Variants in FXYD4 observed in about 807,000 individuals in gnomAD.
FXYD4 encodes the protein FXYD domain containing ion transport regulator 4, also known as FXYD domain-containing ion transport regulator 4.
Under a neutral mutation model 18.3 loss-of-function variants are expected in FXYD4, and 14 were observed. The ratio of observed to expected loss-of-function variants is 0.77; its 90% CI spans 0.51 to 1.20. FXYD4 has a LOEUF of 1.20. FXYD4 is among the 50% of genes most tolerant of loss of function. FXYD4 has a pLI of 0.00. For synonymous variants in FXYD4, 40 were observed against 40.5 expected (o/e 0.99, Z 0.04); for missense variants, 99 against 106.1 (o/e 0.93, Z 0.29).
At chr10:43,375,953 G>A (rs560733726) in intron 7 of FXYD4, 79 bp from the exon 8 acceptor site, 34 of 1,480,568 alleles carry the variant, frequency 2.3e-5, no homozygotes, top group African/African-American at 5.5e-5. Flanking sequence ...TCCTGGGGCC[G>A]GGCAGCAAGA....
chr10:43,375,804 G>A lies in FXYD4; in HGVS notation c.212+70G>A, dbSNP rs2131949138. 3.3e-6 allele frequency: 5 copies of A among 1,505,064 alleles called. No homozygotes were observed. In the South Asian group the frequency reaches 3.4e-5, roughly 10 times the overall value. The allele number at this position is 1,505,064 out of a possible 1,614,324, so 93.2% of individuals were successfully genotyped here. ...CGGGGGGACAGTCCTGACCTGGAGA[G>A]TGGACAGCATCCTGGCCACTCGCTG... On this transcript the variant is annotated intron_variant, in intron 7 of 8. Transcript: ENST00000476166.
rs764508187 is a variant in FXYD4, at chr10:43,376,038, AC to A, written c.221del (p.Pro74LeufsTer29). On this transcript the variant is annotated frameshift_variant, in exon 8 of 9. Transcript: ENST00000476166. LOFTEE classifies it high-confidence loss of function. ...GATGTGGTCCTTTCTCTAGTCCTGT[AC>A]CTGAGAAGGCCATCCCACTCATCAC... Reference protein sequence around the residue: ...KSSQKQHSPVPEKAIPLITPG... With the variant: ...KSSQKQHSPVXEKAIPLITPG... 1 of 1,614,002 alleles carries A rather than the reference AC, an allele frequency of 6.2e-7. No homozygotes were observed. Among genetic ancestry groups the A allele is most frequent in the East Asian group, 2.2e-5 (1 of 44,866 alleles).
chr10:43,372,650 G>A (rs944874317), intron 1 of FXYD4, 77 bp from the exon 2 acceptor site: 1 of 152,222 alleles, frequency 6.6e-6, no homozygotes, highest in Non-Finnish European at 1.5e-5. Context: ...TCTTAGGCTT[G>A]ACAAATAGTA....
chr10:43,374,834 T>TG (rs1385976593), intron 5 of FXYD4, among the ~76,000 whole-genome samples, 195 bp downstream of exon 5: 2 of 151,728 alleles, frequency 1.3e-5, no homozygotes, highest in Admixed American at 1.3e-4. Flanking sequence ...GGAGAAGGGC[T>TG]GGTGCCTGGG....
chr10:43,374,665 C>G (rs778369884), intron 5 of FXYD4, 26 bp downstream of exon 5: 1 of 1,592,874 alleles, frequency 6.3e-7, no homozygotes, highest in South Asian at 1.1e-5. Context: ...CCCACCCCCA[C>G]CCTACCCTTG....
Position 43,376,216 on chromosome 10 carries a change from G to A in FXYD4, c.*50G>A. On this transcript the variant is annotated 3_prime_UTR_variant, in exon 9 of 9. Transcript: ENST00000476166. Reference sequence around the variant, plus strand: ...GCCTGAAGCCTAACACTGGCCCCCAGCACCTCCTCCCCTGGGAGGCCTTAT... The same window carrying A: ...GCCTGAAGCCTAACACTGGCCCCCAACACCTCCTCCCCTGGGAGGCCTTAT... 6.2e-7 allele frequency: 1 copy of A among 1,604,024 alleles called. No homozygotes were observed. The highest frequency in any genetic ancestry group is 8.5e-7 in the Non-Finnish European group (1 of 1,172,542).
chr10:43,376,104 G>A lies in FXYD4; in HGVS notation c.250+35G>A, dbSNP rs764874672. The A allele has an allele frequency of 3.1e-6, 5 of 1,613,936 alleles. No homozygotes were observed. The African/African-American group carries it at 4.0e-5, about 13-fold the overall frequency. On this transcript the variant is annotated intron_variant, in intron 8 of 8. Coordinates refer to ENST00000476166, the MANE Select transcript of FXYD4 (RefSeq NM_173160.3). Reference sequence around the variant, plus strand: ...GCTTCTGTGGGCTGAGGGGGTGTCTGTGTAAGGACTGTGTCTGATGGCCTG... The same window carrying A: ...GCTTCTGTGGGCTGAGGGGGTGTCTATGTAAGGACTGTGTCTGATGGCCTG...
Position 43,372,761 on chromosome 10 carries a change from G to A in FXYD4, c.-244G>A, listed in dbSNP as rs1458087280. The A allele has an allele frequency of 6.6e-6, 1 of 152,236 alleles. No homozygotes were observed. The highest frequency in any genetic ancestry group is 1.5e-5 in the Non-Finnish European group (1 of 68,074). 9.4% of individuals were successfully genotyped at this position (152,236 alleles called of 1,614,324 possible). A position where few individuals can be genotyped will look rare whatever the true frequency, so the allele number is the denominator to read the frequency against. On this transcript the variant is annotated 5_prime_UTR_variant, in exon 2 of 9. Transcript: ENST00000476166. ...GAAGGAGCAGTGAGGAACCTGCAGA[G>A]TCACACAGTTGGTAAGTTGCTAAGA...
intron 4 of FXYD4, 29 bp downstream of exon 4, chr10:43,374,531 A>C (rs200123430): frequency 1.2e-6 from 2 of 1,612,692 alleles, no homozygotes; most frequent in South Asian, 2.2e-5. Flanking sequence ...CAGCCTGCCC[A>C]CTCTGCCCAC....
chr10:43,375,228 T>C (rs897396890), intron 5 of FXYD4, among the ~76,000 whole-genome samples: 2 of 151,960 alleles, frequency 1.3e-5, no homozygotes, highest in Non-Finnish European at 2.9e-5. Context: ...GGTTTCACCA[T>C]ATTGGTCATG....
chr10:43,373,857 C>T, intron 3 of FXYD4, 74 bp downstream of exon 3: 2 of 970,188 alleles, frequency 2.1e-6, no homozygotes, highest in East Asian at 2.4e-5. Context: ...CAGACAACAT[C>T]TCCTTTGGGA....
intron 2 of FXYD4, 84 bp from the exon 3 acceptor site, chr10:43,373,431 C>G: frequency 2.6e-6 from 1 of 381,992 alleles, no homozygotes; most frequent in Non-Finnish European, 4.7e-6. Context: ...TGGATTTTAA[C>G]AACGCCTTCT....
chr10:43,373,993 A>G (rs1043644936), intron 3 of FXYD4, among the ~76,000 whole-genome samples: 3 of 152,256 alleles, frequency 2.0e-5, no homozygotes, highest in African/African-American at 4.8e-5. Context: ...GAATTGAACC[A>G]TGGAAAACAT....
chr10:43,376,228 C>G lies in FXYD4; in HGVS notation c.*62C>G. 1.3e-6 allele frequency: 2 copies of G among 1,559,418 alleles called. No homozygotes were observed. Among genetic ancestry groups the G allele is most frequent in the South Asian group, 2.2e-5 (2 of 89,872 alleles). On this transcript the variant is annotated 3_prime_UTR_variant, in exon 9 of 9. Coordinates refer to ENST00000476166, the MANE Select transcript of FXYD4 (RefSeq NM_173160.3). ...ACACTGGCCCCCAGCACCTCCTCCC[C>G]TGGGAGGCCTTATCCTCAAGGAAGG... is the stretch of plus-strand genomic sequence containing the variant.
intron 2 of FXYD4, 30 bp downstream of exon 2, chr10:43,372,802 A>G (rs1204832692): frequency 6.6e-6 from 1 of 152,218 alleles, no homozygotes; most frequent in Non-Finnish European, 1.5e-5. Flanking sequence ...CCCAGCCCAG[A>G]CAGCTGGCCC....
intron 3 of FXYD4, among the ~76,000 whole-genome samples, chr10:43,374,207 A>G (rs1218271474): frequency 6.6e-6 from 1 of 152,194 alleles, no homozygotes; most frequent in Admixed American, 6.5e-5. Context: ...CATAAAAAAG[A>G]CAAGCATTCC....
In FXYD4 at chr10:43,373,550, G is replaced by C. The variant is rs1052371286; in HGVS notation, c.-197G>C. The C allele has an allele frequency of 3.4e-6, 2 of 596,936 alleles. No homozygotes were observed. The highest frequency in any genetic ancestry group is 6.0e-6 in the Non-Finnish European group (2 of 332,038). The allele number at this position is 596,936 out of a possible 1,614,324, so 37.0% of individuals were successfully genotyped here. ...TCTCTAGATGGGAAGACAGAAAGTAGTTACTTTCCCAAGATCTCCCCACAA... is the reference window on the plus strand; with the variant it reads ...TCTCTAGATGGGAAGACAGAAAGTACTTACTTTCCCAAGATCTCCCCACAA... On this transcript the variant is annotated 5_prime_UTR_variant, in exon 3 of 9. Coordinates refer to ENST00000476166, the MANE Select transcript of FXYD4 (RefSeq NM_173160.3).
chr10:43,372,282 A>G (rs1837816686), intron 1 of FXYD4, among the ~76,000 whole-genome samples: 1 of 151,626 alleles, frequency 6.6e-6, no homozygotes, highest in South Asian at 2.1e-4. Context: ...TTATTTATGG[A>G]TGTATTTATT....
Position 43,373,673 on chromosome 10 carries a change from T to A in FXYD4, c.-74T>A. On this transcript the variant is annotated 5_prime_UTR_variant, in exon 3 of 9. Transcript: ENST00000476166. ...TCGCTGACCAATTGAGCTGTGAGCC[T>A]GGAGCAGATCCGTGGGCTGCAGACC... is the stretch of plus-strand genomic sequence containing the variant. The A allele has an allele frequency of 1.1e-6, 1 of 877,708 alleles. No homozygotes were observed. The highest frequency in any genetic ancestry group is 2.0e-6 in the Non-Finnish European group (1 of 510,440). The allele number at this position is 877,708 out of a possible 1,614,324, so 54.4% of individuals were successfully genotyped here.
Sources: allele counts gnomAD v4.1 joint callset (sites outside exome capture counted in the v4.1 genomes callset), GRCh38; gene constraint gnomAD v4.1.1; transcripts MANE v1.5; gene names NCBI Gene and HGNC (gene_info 2026-07-23, HGNC 2026-07-21).